The following RELCH variants were observed in gnomAD, a reference collection of about 807,000 sequenced individuals.
The protein encoded by RELCH is RAB11-binding protein RELCH.
Under a neutral mutation model 150.3 loss-of-function variants are expected in RELCH, and 41 were observed. The ratio of observed to expected loss-of-function variants is 0.27; its 90% CI spans 0.21 to 0.35. The LOEUF (loss-of-function observed/expected upper bound fraction) is 0.35. Ranked by LOEUF, RELCH falls within the 10% of genes least tolerant of loss-of-function variation. The probability of loss-of-function intolerance (pLI) is 1.00; values close to 1 mark genes in which losing one functional copy is unlikely to be tolerated. For missense variants in RELCH, 1,092 were observed against 1,467.8 expected, an observed-to-expected ratio of 0.74 and a Z score of 4.18; for synonymous variants, 478 against 531.8, an observed-to-expected ratio of 0.90 and a Z score of 1.39.
intron 13 of RELCH, among the ~76,000 whole-genome samples, chr18:62,256,647 A>C (rs537900425): frequency 6.6e-6 from 1 of 151,992 alleles, no homozygotes; most frequent in African/African-American, 2.4e-5. Flanking sequence ...TAGCAGCAAA[A>C]TGTCTCTACA....
At chr18:62,239,378 G>A (rs1400386263) in intron 10 of RELCH, among the ~76,000 whole-genome samples, 1 of 149,572 alleles carries the variant, frequency 6.7e-6, no homozygotes, top group Non-Finnish European at 1.5e-5. Context: ...TTCTTTATTG[G>A]GTTTCCTTTT....
Position 62,266,782 on chromosome 18 carries a change from T to C in RELCH, c.2680+33T>C, listed in dbSNP as rs144245835. ...TGTTCATTATTACTTTTAAAAACAA[T>C]TGCATTTCTTTATGCAGGAAAAATA... On this transcript the variant is annotated intron_variant, in intron 19 of 28. Coordinates refer to ENST00000644646, the MANE Select transcript of RELCH (RefSeq NM_001346231.2). 277 of 1,300,084 alleles carry C rather than the reference T, an allele frequency of 2.1e-4. 1 individual carries two copies. In the African/African-American group the frequency reaches 3.5e-3, roughly 16 times the overall value. The allele number at this position is 1,300,084 out of a possible 1,614,324, so 80.5% of individuals were successfully genotyped here.
chr18:62,214,836 T>A (rs1005313176), intron 2 of RELCH, among the ~76,000 whole-genome samples: 2 of 152,092 alleles, frequency 1.3e-5, no homozygotes, highest in African/African-American at 2.4e-5. Context: ...TGAGGGGACT[T>A]TGAGCAGTAA....
At chr18:62,254,159 C>T (rs1373027026) in intron 12 of RELCH, among the ~76,000 whole-genome samples, 1 of 152,018 alleles carries the variant, frequency 6.6e-6, no homozygotes, top group African/African-American at 2.4e-5. Flanking sequence ...ATAAACAATG[C>T]ATTGAATCTA....
intron 1 of RELCH, among the ~76,000 whole-genome samples, chr18:62,195,612 A>C (rs1291331834): frequency 1.3e-5 from 2 of 152,144 alleles, no homozygotes; most frequent in Non-Finnish European, 2.9e-5. Context: ...TCAGATTTTT[A>C]TAAGGCAGCT....
At chr18:62,225,575 C>T (rs1359300472) in intron 5 of RELCH, among the ~76,000 whole-genome samples, 1 of 151,862 alleles carries the variant, frequency 6.6e-6, no homozygotes, top group African/African-American at 2.4e-5. Context: ...AAAATAAGCA[C>T]GTGAAAAAGA....
At chr18:62,220,967 T>A in intron 2 of RELCH, 70 bp from the exon 3 acceptor site, 1 of 1,265,050 alleles carries the variant, frequency 7.9e-7, no homozygotes, top group Non-Finnish European at 1.1e-6. Flanking sequence ...CCTTGCTTTT[T>A]ATTTTTTAAT....
chr18:62,214,578 C>G (rs2040370831), intron 2 of RELCH, among the ~76,000 whole-genome samples: 1 of 152,154 alleles, frequency 6.6e-6, no homozygotes, highest in African/African-American at 2.4e-5. Context: ...TGTGGCAGCT[C>G]TGACCCTGCA....
chr18:62,257,122 G>C (rs780902022), intron 13 of RELCH, among the ~76,000 whole-genome samples: 1 of 151,976 alleles, frequency 6.6e-6, no homozygotes, highest in Non-Finnish European at 1.5e-5. Context: ...TATGTAAAAA[G>C]GACCTAAACA....
At chr18:62,295,655 T>C (rs2045373742) in intron 27 of RELCH, among the ~76,000 whole-genome samples, 2 of 152,196 alleles carry the variant, frequency 1.3e-5, no homozygotes, top group African/African-American at 4.8e-5. Context: ...TTTGGCTCAC[T>C]GCAACCTCTG....
chr18:62,211,981 C>T (rs1028746063), intron 2 of RELCH, among the ~76,000 whole-genome samples: 1 of 152,094 alleles, frequency 6.6e-6, no homozygotes, highest in African/African-American at 2.4e-5. Context: ...CTGCCCATCC[C>T]AATAAGAAGG....
At chr18:62,245,076 G>A (rs2042333582) in intron 11 of RELCH, among the ~76,000 whole-genome samples, 200 bp downstream of exon 11, 1 of 152,042 alleles carries the variant, frequency 6.6e-6, no homozygotes, top group South Asian at 2.1e-4. Flanking sequence ...AAACTATAAT[G>A]TCATCATCAG....
At chr18:62,199,461 A>C (rs1436628656) in intron 1 of RELCH, among the ~76,000 whole-genome samples, 2 of 152,176 alleles carry the variant, frequency 1.3e-5, no homozygotes, top group African/African-American at 2.4e-5. Context: ...GTTTATAGAA[A>C]ATTTATCTGT....
At chr18:62,195,278 C>CTGTGTGTG (rs1491143110) in intron 1 of RELCH, among the ~76,000 whole-genome samples, 17 of 113,226 alleles carry the variant, frequency 1.5e-4, no homozygotes, top group African/African-American at 5.3e-4. Flanking sequence ...TATACACACA[C>CTGTGTGTG]TCTGTGTGTG....
chr18:62,235,217 G>T (rs1160544348), intron 10 of RELCH: 1 of 151,924 alleles, frequency 6.6e-6, no homozygotes, highest in East Asian at 1.9e-4. Context: ...ATTTGTTCAA[G>T]ATAAAAAAAT....
intron 10 of RELCH, among the ~76,000 whole-genome samples, chr18:62,239,197 G>A (rs919717980): frequency 7.9e-5 from 12 of 152,060 alleles, no homozygotes; most frequent in Non-Finnish European, 1.8e-4. Flanking sequence ...GAGACTTGAG[G>A]TAAGGTTATT....
intron 27 of RELCH, among the ~76,000 whole-genome samples, chr18:62,294,733 AT>A (rs1456273435): frequency 6.6e-6 from 1 of 152,180 alleles, no homozygotes; most frequent in African/African-American, 2.4e-5. Context: ...TACTTCTGAA[AT>A]TTTTTTAAAT....
intron 16 of RELCH, among the ~76,000 whole-genome samples, chr18:62,262,104 A>G (rs572835010): frequency 3.6e-4 from 55 of 152,122 alleles, no homozygotes; most frequent in African/African-American, 1.3e-3. Context: ...TTTTTCTACT[A>G]TGTCCTTGAT....
At chr18:62,236,017 A>G (rs2041860692) in intron 10 of RELCH, among the ~76,000 whole-genome samples, 1 of 152,018 alleles carries the variant, frequency 6.6e-6, no homozygotes, top group African/African-American at 2.4e-5. Context: ...AGAAAGCAAT[A>G]TCCTTGCCTT....
Sources: gnomAD v4.1 joint callset for allele counts (sites outside exome capture counted in the v4.1 genomes callset) on GRCh38, gnomAD v4.1.1 for gene constraint, MANE v1.5 for transcripts, NCBI Gene and HGNC (gene_info 2026-07-23, HGNC 2026-07-21) for gene names.